Variants in FKBP15 observed in about 807,000 individuals in gnomAD.
FKBP15 encodes the protein FK506-binding protein 15.
FKBP15 carries 106 observed loss-of-function variants against 158.1 expected under a neutral mutation model. The observed-to-expected ratio is 0.67, with a 90% CI of 0.57 to 0.79. The LOEUF is 0.79. Among genes scored for constraint, FKBP15 ranks in the 30% least tolerant of loss-of-function variants. FKBP15 has a pLI of 0.00. For synonymous variants in FKBP15, 547 were observed against 548.6 expected (o/e 1.00, Z 0.04); for missense variants, 1,287 against 1,479.1 (o/e 0.87, Z 2.13).
At chr9:113,182,965 C>T (rs1219131343) in intron 18 of FKBP15, 97 bp from the exon 19 acceptor site, 6 of 976,872 alleles carry the variant, frequency 6.1e-6, no homozygotes, top group South Asian at 5.4e-5. Context: ...CATTGCTGCT[C>T]TATACCTTTG....
At chr9:113,179,301 G>A (rs563311896) in intron 19 of FKBP15, among the ~76,000 whole-genome samples, 67 of 151,872 alleles carry the variant, frequency 4.4e-4, no homozygotes, top group African/African-American at 1.5e-3. Flanking sequence ...TTTATTCCTC[G>A]CCTTATTCCA....
chr9:113,202,918 C>T (rs567676042), intron 5 of FKBP15, 43 bp downstream of exon 5: 20 of 1,478,058 alleles, frequency 1.4e-5, no homozygotes, highest in Non-Finnish European at 1.9e-5. Flanking sequence ...TCCTGTAAAC[C>T]TATCCCGAAG....
chr9:113,171,838 T>C, intron 23 of FKBP15, 132 bp from the exon 24 acceptor site: 1 of 760,420 alleles, frequency 1.3e-6, no homozygotes, highest in Non-Finnish European at 1.9e-6. Flanking sequence ...ACAATTTTAT[T>C]TCAAATTCTT....
chr9:113,166,919 C>T (rs1198287120), intron 27 of FKBP15, among the ~76,000 whole-genome samples: 1 of 152,198 alleles, frequency 6.6e-6, no homozygotes, highest in East Asian at 1.9e-4. Context: ...TGAATAGTCT[C>T]TACTAAGGCA....
At position 113,186,377 on chromosome 9, in the gene FKBP15, G is replaced by A. The variant is rs753918137; in HGVS notation, c.1384-14C>T. On this transcript the variant is annotated splice_polypyrimidine_tract_variant and intron_variant, in intron 14 of 27. Coordinates refer to ENST00000238256, the MANE Select transcript of FKBP15 (RefSeq NM_015258.2). ...ACCTGCATAGGGCTGAGAAACTGACGAGTTACCACTGGTTGATAAAACATT... is the reference window on the plus strand; with the variant it reads ...ACCTGCATAGGGCTGAGAAACTGACAAGTTACCACTGGTTGATAAAACATT... 8 of 1,489,490 alleles carry A rather than the reference G, an allele frequency of 5.4e-6. No homozygotes were observed. Among genetic ancestry groups the A allele is most frequent in the Admixed American group, 2.0e-5 (1 of 50,390 alleles). 92.3% of individuals were successfully genotyped at this position (1,489,490 alleles called of 1,614,324 possible). A position where few individuals can be genotyped will look rare whatever the true frequency, so the allele number is the denominator to read the frequency against.
intron 24 of FKBP15, among the ~76,000 whole-genome samples, chr9:113,171,150 G>A (rs12380400): frequency 1.2e-3 from 183 of 152,160 alleles, no homozygotes; most frequent in Non-Finnish European, 1.9e-3. Flanking sequence ...AATCTGGGCC[G>A]GGCATGGTGG....
rs994263280 is a variant in FKBP15, at chr9:113,163,761, A to C, written c.*2317T>G. ...TGTCTGGGAAGCTCTTCGTGGCCTC[A>C]ATGCCCTCCTTTATCCTCATCTTTC... On this transcript the variant is annotated 3_prime_UTR_variant, in exon 28 of 28. Coordinates refer to ENST00000238256, the MANE Select transcript of FKBP15 (RefSeq NM_015258.2). The C allele has an allele frequency of 2.0e-5, 3 of 152,602 alleles. No individual in the cohort carries two copies. Among genetic ancestry groups the C allele is most frequent in the Admixed American group, 2.0e-4 (3 of 15,294 alleles). 9.5% of individuals were successfully genotyped at this position (152,602 alleles called of 1,614,324 possible). A position where few individuals can be genotyped will look rare whatever the true frequency, so the allele number is the denominator to read the frequency against.
intron 1 of FKBP15, among the ~76,000 whole-genome samples, chr9:113,217,629 G>T (rs1217266588): frequency 6.6e-6 from 1 of 152,098 alleles, no homozygotes; most frequent in East Asian, 1.9e-4. Context: ...ACTGCTTGAG[G>T]CCAGGAGTTC....
rs1830757367 is a variant in FKBP15 at position 113,199,946 on chromosome 9, G to C, written c.516C>G (p.Cys172Trp). The C allele has an allele frequency of 1.9e-6, 3 of 1,612,920 alleles. No homozygotes were observed. The highest frequency in any genetic ancestry group is 2.5e-6 in the Non-Finnish European group (3 of 1,179,460). Residue 172 changes from cysteine (C) to tryptophan (W), a missense_variant, in exon 7 of 28, where the codon TGC (cysteine) becomes TGG (tryptophan). Coordinates refer to ENST00000238256, the MANE Select transcript of FKBP15 (RefSeq NM_015258.2). ...CTGCATCCAGGGAAGAGGTACTGTT[G>C]CACTTAGCAATGCACACCTGCAAGA... ...EFNKQVCIAK[C>W]NSTSSLDAVL... is the part of the protein sequence containing the mutation.
Position 113,221,267 on chromosome 9 carries a change from G to C in FKBP15, c.-24C>G, listed in dbSNP as rs774338063. 3 of 1,593,598 alleles carry C rather than the reference G, an allele frequency of 1.9e-6. No individual in the cohort carries two copies. The highest frequency in any genetic ancestry group is 1.1e-5 in the South Asian group (1 of 87,642). On this transcript the variant is annotated 5_prime_UTR_variant, in exon 1 of 28. Coordinates refer to ENST00000238256, the MANE Select transcript of FKBP15 (RefSeq NM_015258.2). ...ATTGCGTTGGCTTTCACCGGGTTGC[G>C]GGGAGGAAGCTGGGTATTCCCAGAG...
chr9:113,185,888 G>C (rs1220779381), intron 15 of FKBP15, among the ~76,000 whole-genome samples: 1 of 151,964 alleles, frequency 6.6e-6, no homozygotes, highest in Non-Finnish European at 1.5e-5. Context: ...CCAATGTTTT[G>C]CTCTTTTACT....
rs766985519 is a variant in FKBP15 at position 113,198,836 on chromosome 9, A to AC, written c.717+18_717+19insG. 15 of 1,572,530 alleles carry AC rather than the reference A, an allele frequency of 9.5e-6. No individual in the cohort carries two copies. Among genetic ancestry groups the AC allele is most frequent in the Non-Finnish European group, 1.3e-5 (15 of 1,154,210 alleles). On this transcript the variant is annotated intron_variant, in intron 8 of 27. Coordinates refer to ENST00000238256, the MANE Select transcript of FKBP15 (RefSeq NM_015258.2). This position sits in a 1 kb window ranked among gnomAD's most constrained non-coding sequence, Gnocchi z 5.2. ...ACTGCAACTGATAAAACCATAAAAA[A>AC]ACACAGTTAAGCCTTTACCTTGATG...
intron 1 of FKBP15, among the ~76,000 whole-genome samples, chr9:113,218,539 G>A (rs1293433570): frequency 2.6e-5 from 4 of 151,956 alleles, no homozygotes; most frequent in African/African-American, 4.8e-5. Context: ...CACAGAGTAC[G>A]TATTTATATA....
intron 11 of FKBP15, among the ~76,000 whole-genome samples, chr9:113,192,756 A>T (rs1189736448): frequency 6.6e-6 from 1 of 152,256 alleles, no homozygotes; most frequent in Non-Finnish European, 1.5e-5. Context: ...AGTCATAAAA[A>T]TCTCTTTGAG....
intron 19 of FKBP15, among the ~76,000 whole-genome samples, chr9:113,180,781 C>G (rs1830381962): frequency 6.6e-6 from 1 of 152,180 alleles, no homozygotes; most frequent in South Asian, 2.1e-4. Flanking sequence ...AAGGCAACCT[C>G]TAATAGCTCT....
intron 25 of FKBP15, among the ~76,000 whole-genome samples, chr9:113,170,201 C>A (rs1303242834): frequency 6.6e-6 from 1 of 152,092 alleles, no homozygotes; most frequent in Non-Finnish European, 1.5e-5. Flanking sequence ...TCATGGCTCA[C>A]TGTAGTCTTG....
In FKBP15 at chr9:113,169,424, T is replaced by C. The variant is rs781427576; in HGVS notation, c.3285A>G (p.Arg1095=). The C allele has an allele frequency of 2.5e-6, 4 of 1,613,990 alleles. No homozygotes were observed. Among genetic ancestry groups the C allele is most frequent in the Admixed American group, 3.3e-5 (2 of 60,030 alleles). ...PDGPLQESST[R]LSLTSDPEEG... Reference sequence around the variant, plus strand: ...CCTCGGGGTCTGAAGTCAGGGACAGTCTTGTGGAGCTTTCTTGTAGTGGGC... The same window carrying C: ...CCTCGGGGTCTGAAGTCAGGGACAGCCTTGTGGAGCTTTCTTGTAGTGGGC... The change falls in exon 26 of 28, where the codon AGA becomes AGG. Residue 1095 remains arginine, a synonymous_variant. Transcript: ENST00000238256.
rs1435162403 is a variant in FKBP15 at position 113,206,510 on chromosome 9, T to C, written c.323A>G (p.Glu108Gly). 1.9e-6 allele frequency: 3 copies of C among 1,613,674 alleles called. No homozygotes were observed. In the South Asian group the frequency reaches 3.3e-5, roughly 18 times the overall value. Reference protein sequence around the residue: ...AAVLGNHTAREYRILLYISQQ... With the variant: ...AAVLGNHTARGYRILLYISQQ... ...CATGAGATGTGGGAGCACTCTCACC[T>C]CTCTGGCTGTGTGGTTCCCCAGAAC... is the stretch of plus-strand genomic sequence containing the variant. Residue 108 changes from glutamate to glycine, a missense_variant and splice_region_variant, in exon 4 of 28, where the codon GAG becomes GGG. Coordinates refer to ENST00000238256, the MANE Select transcript of FKBP15 (RefSeq NM_015258.2).
At chr9:113,204,129 G>C (rs1217637448) in intron 4 of FKBP15, among the ~76,000 whole-genome samples, 1 of 152,146 alleles carries the variant, frequency 6.6e-6, no homozygotes, top group African/African-American at 2.4e-5. Context: ...CCAGGCTGGA[G>C]TGCAATGGCA....
Sources: allele counts gnomAD v4.1 joint callset (sites outside exome capture counted in the v4.1 genomes callset), GRCh38; gene constraint gnomAD v4.1.1; non-coding constraint Gnocchi (gnomAD v3.1); transcripts MANE v1.5; gene names NCBI Gene and HGNC (gene_info 2026-07-23, HGNC 2026-07-21).